The following KLHL13 variants were observed in gnomAD, a reference collection of about 807,000 sequenced individuals.
The protein encoded by KLHL13 is kelch-like protein 13.
KLHL13 carries 10 observed loss-of-function variants against 37.1 expected under a neutral mutation model. That is an observed-to-expected ratio of 0.27 (90% CI 0.17 to 0.46). The LOEUF (loss-of-function observed/expected upper bound fraction) is 0.46, where lower values mean the gene tolerates loss of function less well. Ranked by LOEUF, KLHL13 falls within the 20% of genes least tolerant of loss-of-function variation. The pLI is 1.00. For missense variants in KLHL13, 360 were observed against 509.3 expected, an observed-to-expected ratio of 0.71 and a Z score of 2.82; for synonymous variants, 163 against 181.2, an observed-to-expected ratio of 0.90 and a Z score of 0.81.
chrX:118,031,998 C>A lies in KLHL13; in HGVS notation c.-56+84510G>T, dbSNP rs961096343. ...GGGTGACAGACCGCACCTAGAAAAT[C>A]GCATCACTCCCACCCGAATACTGCG... On this transcript the variant is annotated intron_variant, in intron 1 of 6. Coordinates refer to the KLHL13 transcript ENST00000371882. Among the ~76,000 whole-genome samples the A allele has an allele frequency of 3.6e-5, 4 of 110,816 alleles. No individual in the cohort carries two copies. The Admixed American group carries it at 3.8e-4, about 11-fold the overall frequency.
chrX:118,053,822 GAGGAGAGAGAGAGAGAGAGAGAGA>G (rs2054648846), intron 1 of KLHL13, among the ~76,000 whole-genome samples: 1 of 58,100 alleles, frequency 1.7e-5, no homozygotes, highest in Non-Finnish European at 3.0e-5. Flanking sequence ...AGAGAGAGGA[GAGGAGAGAGAGAGAGAGAGAGAGA>G]GAGGAGAGAG....
chrX:118,065,471 T>C (rs772505464), intron 1 of KLHL13, among the ~76,000 whole-genome samples: 1 of 111,113 alleles, frequency 9.0e-6, no homozygotes, highest in East Asian at 2.8e-4. Context: ...GTGGAACTTG[T>C]CCTAAACTAA....
At chrX:117,914,350 T>A (rs1260373679) in intron 4 of KLHL13, 1 of 110,823 alleles carries the variant, frequency 9.0e-6, no homozygotes, top group South Asian at 3.8e-4. Flanking sequence ...CCAGCCAGTA[T>A]CTGCTTTTGT....
At chrX:118,017,194 G>T (rs1383773421) in intron 1 of KLHL13, among the ~76,000 whole-genome samples, 1 of 111,112 alleles carries the variant, frequency 9.0e-6, no homozygotes, top group Non-Finnish European at 1.9e-5. Context: ...AACATAAAAT[G>T]CTTCTTAACT....
chrX:117,944,116 T>C (rs750938811), intron 2 of KLHL13, among the ~76,000 whole-genome samples: 2 of 110,966 alleles, frequency 1.8e-5, no homozygotes, highest in African/African-American at 6.5e-5. Context: ...GTGCTAGAGG[T>C]CCACTCCAGA....
intron 2 of KLHL13, among the ~76,000 whole-genome samples, chrX:117,920,738 G>A (rs900422498): frequency 3.1e-4 from 34 of 111,195 alleles, no homozygotes; most frequent in African/African-American, 1.0e-3. Flanking sequence ...ATTCCTTTTC[G>A]CGATAATTTA....
chrX:117,992,816 T>C (rs1350882758), intron 1 of KLHL13, among the ~76,000 whole-genome samples: 1 of 111,845 alleles, frequency 8.9e-6, no homozygotes, highest in Non-Finnish European at 1.9e-5. Flanking sequence ...TAGTTATTTA[T>C]TCTTAGGTGT....
At chrX:117,978,789 T>A (rs1174648890) in intron 1 of KLHL13, among the ~76,000 whole-genome samples, 1 of 89,649 alleles carries the variant, frequency 1.1e-5, no homozygotes, top group Non-Finnish European at 2.0e-5. Context: ...TCTTTATGGC[T>A]TTTCTTTTTT....
intron 1 of KLHL13, among the ~76,000 whole-genome samples, chrX:117,998,255 G>T (rs931773062): frequency 8.9e-6 from 1 of 112,025 alleles, no homozygotes; most frequent in African/African-American, 3.2e-5. Context: ...TTCAACTACA[G>T]ATACAACGAT....
At chrX:118,104,596 T>C (rs187008001) in intron 1 of KLHL13, among the ~76,000 whole-genome samples, 1 of 112,068 alleles carries the variant, frequency 8.9e-6, no homozygotes, top group East Asian at 2.8e-4. Context: ...TGAAAGACTG[T>C]CACCGATCAA....
intron 1 of KLHL13, among the ~76,000 whole-genome samples, chrX:118,000,795 T>A (rs769281614): frequency 1.8e-5 from 2 of 111,633 alleles, no homozygotes; most frequent in Non-Finnish European, 3.8e-5. Context: ...ATAAATATTC[T>A]TATATTTCAC....
intron 1 of KLHL13, 74 bp from the exon 2 acceptor site, chrX:118,028,571 T>C (rs2054299869): frequency 4.0e-6 from 2 of 494,965 alleles, no homozygotes; most frequent in Admixed American, 3.2e-5. Flanking sequence ...GTTTTTATAA[T>C]ATTTTTATAC....
intron 1 of KLHL13, among the ~76,000 whole-genome samples, chrX:117,951,346 A>C (rs1933590137): frequency 8.9e-6 from 1 of 112,231 alleles, no homozygotes; most frequent in South Asian, 3.7e-4. Flanking sequence ...GAAATTATAA[A>C]TATCATAGCA....
intron 1 of KLHL13, among the ~76,000 whole-genome samples, chrX:118,016,181 C>A (rs1285477217): frequency 9.0e-6 from 1 of 111,658 alleles, no homozygotes; most frequent in African/African-American, 3.2e-5. Context: ...TTTCCATCTT[C>A]CAATTCTTAC....
intron 4 of KLHL13, among the ~76,000 whole-genome samples, chrX:117,912,501 C>T (rs12839292): frequency 1.5e-3 from 165 of 111,771 alleles, no homozygotes; most frequent in African/African-American, 4.7e-3. Flanking sequence ...AGTGAGAAAA[C>T]GATTGCTAGA....
chrX:118,003,061 G>A (rs2053942647), intron 1 of KLHL13, among the ~76,000 whole-genome samples: 1 of 112,492 alleles, frequency 8.9e-6, no homozygotes, highest in Non-Finnish European at 1.9e-5. Context: ...ATGAGAAGCA[G>A]CAGAAACTGA....
intron 1 of KLHL13, among the ~76,000 whole-genome samples, chrX:118,021,348 T>A (rs2054208314): frequency 9.5e-6 from 1 of 105,522 alleles, no homozygotes; most frequent in Non-Finnish European, 1.9e-5. Context: ...CATCAACTCG[T>A]CATTTACATT....
upstream of KLHL13, among the ~76,000 whole-genome samples, chrX:117,975,698 C>G (rs901155715): frequency 1.8e-5 from 2 of 111,975 alleles, no homozygotes; most frequent in Non-Finnish European, 1.9e-5. Flanking sequence ...GTCTACTTCA[C>G]CTTCTGAGAA....
At chrX:118,105,306 T>C (rs1176614758) in intron 1 of KLHL13, among the ~76,000 whole-genome samples, 2 of 112,372 alleles carry the variant, frequency 1.8e-5, no homozygotes, top group African/African-American at 6.5e-5. Context: ...CTGTCAGAGA[T>C]AGCATGAAAG....
Sources: allele counts gnomAD v4.1 joint callset (sites outside exome capture counted in the v4.1 genomes callset), GRCh38; gene constraint gnomAD v4.1.1; transcripts MANE v1.5; gene names NCBI Gene and HGNC (gene_info 2026-07-23, HGNC 2026-07-21).